Variants in CACNA1G observed in about 807,000 individuals in gnomAD.
CACNA1G encodes the protein calcium voltage-gated channel subunit alpha1 G, also known as voltage-dependent T-type calcium channel subunit alpha-1G.
CACNA1G carries 67 observed loss-of-function variants against 219.4 expected under a neutral mutation model. That is an observed-to-expected ratio of 0.31 (90% CI 0.25 to 0.37). CACNA1G has a LOEUF of 0.37. CACNA1G is among the 10% of genes least tolerant of loss of function. The pLI, the probability that CACNA1G is intolerant of heterozygous loss-of-function variation, is 1.00. For synonymous variants in CACNA1G, 1,296 were observed against 1,345.3 expected, an observed-to-expected ratio of 0.96 and a Z score of 0.80; for missense variants, 2,380 against 3,231.4, an observed-to-expected ratio of 0.74 and a Z score of 6.39.
At chr17:50,580,209 T>C (rs927158846) in intron 9 of CACNA1G, among the ~76,000 whole-genome samples, 2 of 152,164 alleles carry the variant, frequency 1.3e-5, no homozygotes, top group Admixed American at 1.3e-4. Context: ...TGTGTGCACA[T>C]GCCAACTCTG....
intron 24 of CACNA1G, chr17:50,607,212 G>A: frequency 1.7e-6 from 1 of 575,884 alleles, no homozygotes; most frequent in South Asian, 1.8e-5. Context: ...TTTTTAAACT[G>A]GTGAATTTGG....
chr17:50,619,107 G>A, intron 33 of CACNA1G, 99 bp downstream of exon 33: 1 of 938,454 alleles, frequency 1.1e-6, no homozygotes, highest in South Asian at 1.9e-5. Flanking sequence ...CAAACCCTAG[G>A]CTCCTCCTGG....
chr17:50,570,174 C>T (rs1162388934), intron 4 of CACNA1G, among the ~76,000 whole-genome samples: 1 of 152,172 alleles, frequency 6.6e-6, no homozygotes, highest in Admixed American at 6.5e-5. Flanking sequence ...AGAACAGCCT[C>T]TCATGCAATC....
intron 25 of CACNA1G, among the ~76,000 whole-genome samples, chr17:50,609,434 G>GGTGCAGTGTCCCCT (rs1356006282): frequency 6.6e-6 from 1 of 152,152 alleles, no homozygotes; most frequent in Non-Finnish European, 1.5e-5. Context: ...CAGCTGAGCA[G>GGTGCAGTGTCCCCT]GTGCAGTGTC....
At chr17:50,609,261 T>C (rs2048657678) in intron 25 of CACNA1G, among the ~76,000 whole-genome samples, 1 of 152,090 alleles carries the variant, frequency 6.6e-6, no homozygotes, top group South Asian at 2.1e-4. Context: ...CTGTGTTCCC[T>C]GTGAAGAGCG....
At chr17:50,562,302 G>A (rs943815891) in intron 1 of CACNA1G, among the ~76,000 whole-genome samples, 55 of 152,132 alleles carry the variant, frequency 3.6e-4, no homozygotes, top group African/African-American at 1.3e-3. Context: ...GTTGGGGGGC[G>A]GGGACCAGGT....
Position 50,623,888 on chromosome 17 carries a change from T to A in CACNA1G, c.6061-19T>A. On this transcript the variant is annotated intron_variant, in intron 35 of 37. Coordinates refer to ENST00000359106, the MANE Select transcript of CACNA1G (RefSeq NM_018896.5). Reference sequence around the variant, plus strand: ...CGCACACCCTCTTCCTCCACCTCCCTCCCCTGTTCCTTTTGCAGATGCAGC... The same window carrying A: ...CGCACACCCTCTTCCTCCACCTCCCACCCCTGTTCCTTTTGCAGATGCAGC... The A allele has an allele frequency of 6.3e-7, 1 of 1,596,872 alleles. No individual in the cohort carries two copies. Among genetic ancestry groups the A allele is most frequent in the African/African-American group, 1.3e-5 (1 of 74,738 alleles).
rs2044117836 is a variant in CACNA1G, at chr17:50,590,720, G to A, written c.2453+98G>A. 4.1e-6 allele frequency: 5 copies of A among 1,214,106 alleles called. No individual in the cohort carries two copies. In the Admixed American group the frequency reaches 8.3e-5, roughly 20 times the overall value. The allele number at this position is 1,214,106 out of a possible 1,614,324, so 75.2% of individuals were successfully genotyped here. On this transcript the variant is annotated intron_variant, in intron 10 of 37. Transcript: ENST00000359106. ...CCACCTATTCCCCTGGGGTGGAGGG[G>A]TCTGGAGTCAGGCCCCACTGACCCC...
chr17:50,565,089 C>T (rs866028390), intron 1 of CACNA1G, among the ~76,000 whole-genome samples: 6 of 149,470 alleles, frequency 4.0e-5, no homozygotes, highest in Non-Finnish European at 6.0e-5. Flanking sequence ...GCCAGGATGG[C>T]GACAGACACA....
intron 4 of CACNA1G, among the ~76,000 whole-genome samples, chr17:50,570,825 G>T (rs1416357247): frequency 2.0e-5 from 3 of 152,182 alleles, no homozygotes; most frequent in Non-Finnish European, 2.9e-5. Flanking sequence ...GATGGGGTAG[G>T]AGGAGGGGGA....
In CACNA1G at chr17:50,575,599, A is replaced by G. The variant is rs2040478477; in HGVS notation, c.1197A>G (p.Ser399=). Reference sequence around the variant, plus strand: ...TGGTGGTGATTGCCACGCAGTTCTCAGAGACCAAGCAGCGGGAAAGCCAGC... The same window carrying G: ...TGGTGGTGATTGCCACGCAGTTCTCGGAGACCAAGCAGCGGGAAAGCCAGC... ...LCLVVIATQF[S]ETKQRESQLM... The change falls in exon 8 of 38, where the codon TCA becomes TCG. Residue 399 remains serine (S), a synonymous_variant. Transcript: ENST00000359106. The G allele has an allele frequency of 6.2e-7, 1 of 1,613,606 alleles. No homozygotes were observed. Among genetic ancestry groups the G allele is most frequent in the Non-Finnish European group, 8.5e-7 (1 of 1,179,824 alleles).
At chr17:50,602,574 C>A (rs187498700) in intron 19 of CACNA1G, among the ~76,000 whole-genome samples, 4 of 152,256 alleles carry the variant, frequency 2.6e-5, no homozygotes, top group Admixed American at 2.6e-4. Flanking sequence ...GGCTAAGTGG[C>A]TGTGGGGGCG....
intron 10 of CACNA1G, 116 bp downstream of exon 10, chr17:50,590,738 C>A: frequency 1.1e-6 from 1 of 918,276 alleles, no homozygotes; most frequent in Non-Finnish European, 1.6e-6. Context: ...TCAGGCCCCA[C>A]TGACCCCACA....
chr17:50,577,039 GT>G (rs769876182), intron 8 of CACNA1G, among the ~76,000 whole-genome samples: 24 of 152,330 alleles, frequency 1.6e-4, no homozygotes, highest in Non-Finnish European at 3.1e-4. Flanking sequence ...GATGTGGCAC[GT>G]GGGGAGCAGC....
intron 35 of CACNA1G, among the ~76,000 whole-genome samples, chr17:50,623,263 A>ATTTTTTTTTTTTT (rs35058899): frequency 2.0e-5 from 1 of 50,978 alleles, no homozygotes; most frequent in African/African-American, 9.5e-5. Context: ...TATCCAGCTA[A>ATTTTTTTTTTTTT]TTTTTTTTTT....
In CACNA1G at chr17:50,618,879, G is replaced by A. The variant is rs374725822; in HGVS notation, c.5652G>A (p.Ser1884=). The change falls in exon 33 of 38, where the codon TCG becomes TCA. Residue 1884 remains serine, a synonymous_variant. Coordinates refer to ENST00000359106, the MANE Select transcript of CACNA1G (RefSeq NM_018896.5). The surrounding 1 kb of genome is among the most constrained non-coding windows in gnomAD (Gnocchi z 5.3). The part of the protein sequence containing the change: ...EMKTLSPQPH[S]PLGSPFLWPG... ...AGACCCTCAGCCCCCAGCCCCACTC[G>A]CCACTGGGCAGCCCCTTCCTCTGGC... is the stretch of plus-strand genomic sequence containing the variant. The A allele has an allele frequency of 1.1e-4, 181 of 1,612,214 alleles. No individual in the cohort carries two copies. The highest frequency in any genetic ancestry group is 3.3e-4 in the Middle Eastern group (2 of 6,026).
chr17:50,606,998 G>A lies in CACNA1G; in HGVS notation c.4512+9G>A, dbSNP rs375198251. On this transcript the variant is annotated intron_variant, in intron 24 of 37. Transcript: ENST00000359106. ...TGGGCGTGGACCAGCAGGTAGGGCT[G>A]AGGTGGGCAGGATCCATCTGTGGGC... 9 of 1,606,440 alleles carry A rather than the reference G, an allele frequency of 5.6e-6. No homozygotes were observed. The highest frequency in any genetic ancestry group is 7.7e-6 in the Non-Finnish European group (9 of 1,173,142).
In CACNA1G at chr17:50,599,502, C is replaced by G. The variant is rs1381653561; in HGVS notation, c.3333C>G (p.Asn1111Lys). The G allele has an allele frequency of 5.6e-6, 9 of 1,604,008 alleles. No homozygotes were observed. Among genetic ancestry groups the G allele is most frequent in the Non-Finnish European group, 6.8e-6 (8 of 1,175,924 alleles). Reference sequence around the variant, plus strand: ...GGACCAGCAGGCGCTCCAGCCGGAACAGCCTCGGCCGTGCACCCAGCCTGA... The same window carrying G: ...GGACCAGCAGGCGCTCCAGCCGGAAGAGCCTCGGCCGTGCACCCAGCCTGA... Reference protein sequence around the residue: ...SSWTSRRSSRNSLGRAPSLKR... With the variant: ...SSWTSRRSSRKSLGRAPSLKR... Residue 1111 changes from asparagine to lysine, a missense_variant, in exon 17 of 38, where the codon AAC becomes AAG. This residue lies in a region of CACNA1G where 418 missense variants were observed against 434.3 expected (regional missense o/e 0.96). Coordinates refer to ENST00000359106, the MANE Select transcript of CACNA1G (RefSeq NM_018896.5).
chr17:50,609,821 AG>A, intron 25 of CACNA1G, 60 bp from the exon 26 acceptor site: 1 of 1,518,576 alleles, frequency 6.6e-7, no homozygotes, highest in Non-Finnish European at 9.0e-7. Flanking sequence ...GCCGCCCCTG[AG>A]GGGCCCTGCC....
Sources: gnomAD v4.1 joint callset for allele counts (sites outside exome capture counted in the v4.1 genomes callset) on GRCh38, gnomAD v4.1.1 for gene constraint, gnomAD v4.1.1 regional missense constraint, Gnocchi (gnomAD v3.1) non-coding constraint, MANE v1.5 for transcripts, NCBI Gene and HGNC (gene_info 2026-07-23, HGNC 2026-07-21) for gene names.